WDR44: variants seen among roughly 807,000 people sequenced by gnomAD.
WDR44 encodes WD repeat domain 44.
A neutral mutation model predicts 65.7 loss-of-function variants in WDR44; 9 were observed. The observed-to-expected ratio is 0.14, with a 90% CI of 0.08 to 0.24. The LOEUF (loss-of-function observed/expected upper bound fraction) is 0.24. Ranked by LOEUF, WDR44 falls within the 10% of genes least tolerant of loss-of-function variation. WDR44 has a pLI of 1.00. For synonymous variants in WDR44, 220 were observed against 235.2 expected (o/e 0.94, Z 0.59); for missense variants, 425 against 670.9 (o/e 0.63, Z 4.05).
intron 12 of WDR44, among the ~76,000 whole-genome samples, chrX:118,412,429 T>A (rs2057019924): frequency 9.0e-6 from 1 of 111,610 alleles, no homozygotes; most frequent in African/African-American, 3.3e-5. Context: ...TCTGGTAGTA[T>A]TGTGAAGGAT....
At chrX:118,362,627 A>T (rs916256226) in intron 1 of WDR44, among the ~76,000 whole-genome samples, 1 of 110,914 alleles carries the variant, frequency 9.0e-6, no homozygotes, top group African/African-American at 3.3e-5. Context: ...CTGACTAAAT[A>T]GACACGTGCA....
At chrX:118,407,275 C>T (rs1256361451) in intron 10 of WDR44, among the ~76,000 whole-genome samples, 2 of 111,364 alleles carry the variant, frequency 1.8e-5, no homozygotes, top group African/African-American at 6.5e-5. Flanking sequence ...CCAAGACAGG[C>T]GGATCACTTG....
At chrX:118,351,786 C>A (rs897938648) in intron 1 of WDR44, among the ~76,000 whole-genome samples, 2 of 110,075 alleles carry the variant, frequency 1.8e-5, no homozygotes, top group African/African-American at 6.6e-5. Flanking sequence ...CCCATCTCTA[C>A]TAAAAATACA....
At chrX:118,383,347 C>G (rs1352069089) in intron 2 of WDR44, among the ~76,000 whole-genome samples, 2 of 111,507 alleles carry the variant, frequency 1.8e-5, no homozygotes, top group African/African-American at 3.3e-5. Context: ...AGTGCAGTGA[C>G]TCACGCCTGT....
At chrX:118,438,515 C>T (rs766172055) in intron 14 of WDR44, among the ~76,000 whole-genome samples, 1 of 111,227 alleles carries the variant, frequency 9.0e-6, no homozygotes, top group Non-Finnish European at 1.9e-5. Flanking sequence ...TTACTGCAGC[C>T]TCAACTTCCC....
At chrX:118,370,639 A>G (rs9988333) in intron 1 of WDR44, among the ~76,000 whole-genome samples, 28,131 of 108,073 alleles carry the variant, frequency 0.26, 3,008 homozygotes, top group African/African-American at 0.37. Context: ...GCTGGAGTGC[A>G]GTGGCGCAAT....
intron 12 of WDR44, among the ~76,000 whole-genome samples, chrX:118,429,394 G>C (rs2057187247): frequency 9.2e-6 from 1 of 109,157 alleles, no homozygotes; most frequent in African/African-American, 3.3e-5. Context: ...TTCGAGACCA[G>C]CCTGGCCAAC....
chrX:118,389,844 G>A (rs891544833), intron 3 of WDR44, among the ~76,000 whole-genome samples: 1 of 109,477 alleles, frequency 9.1e-6, no homozygotes, highest in Non-Finnish European at 1.9e-5. Context: ...AGTTAGGGCT[G>A]GATTATAGGA....
intron 12 of WDR44, among the ~76,000 whole-genome samples, chrX:118,423,840 G>A (rs1030963777): frequency 4.5e-5 from 5 of 111,789 alleles, no homozygotes; most frequent in African/African-American, 1.6e-4. Flanking sequence ...CATATAAGTG[G>A]CATTATGTAG....
intron 2 of WDR44, 47 bp from the exon 3 acceptor site, chrX:118,387,293 G>A: frequency 1.1e-6 from 1 of 912,471 alleles, no homozygotes; most frequent in Non-Finnish European, 1.5e-6. Flanking sequence ...TATTTTTAAA[G>A]AAAAGATGTC....
intron 1 of WDR44, among the ~76,000 whole-genome samples, chrX:118,376,985 G>A (rs891163822): frequency 3.7e-5 from 4 of 107,103 alleles, no homozygotes; most frequent in East Asian, 6.0e-4. Flanking sequence ...CCTGAGTAAC[G>A]GAGTGAGACC....
intron 3 of WDR44, among the ~76,000 whole-genome samples, chrX:118,389,840 G>A (rs1490271979): frequency 9.1e-6 from 1 of 109,579 alleles, no homozygotes; most frequent in Middle Eastern, 4.2e-3. Context: ...GCAAAGTTAG[G>A]GCTGGATTAT....
chrX:118,384,591 A>T (rs887204304), intron 2 of WDR44, among the ~76,000 whole-genome samples: 1 of 111,912 alleles, frequency 8.9e-6, no homozygotes, highest in African/African-American at 3.2e-5. Flanking sequence ...ACTGTAGCAT[A>T]GTTTGAAGTC....
At chrX:118,368,483 T>TATATATATATATATATATATATC (rs1569359132) in intron 1 of WDR44, among the ~76,000 whole-genome samples, 20 of 87,650 alleles carry the variant, frequency 2.3e-4, no homozygotes, top group South Asian at 5.5e-4. Context: ...ATATATATAC[T>TATATATATATATATATATATATC]TCTTGAGGAC....
At chrX:118,356,142 A>G (rs753595423) in intron 1 of WDR44, among the ~76,000 whole-genome samples, 1 of 112,437 alleles carries the variant, frequency 8.9e-6, no homozygotes, top group East Asian at 2.8e-4. Flanking sequence ...GTTCTTTTAA[A>G]AAGTTACTGT....
chrX:118,390,853 A>T lies in WDR44; in HGVS notation c.187-1779A>T, dbSNP rs1203653661. ...ATTTAGTATTCTTGTTTTCTGTCCA[A>T]AGTAGTGTGGTATAATACAAAGATC... On this transcript the variant is annotated intron_variant, in intron 3 of 19. Coordinates refer to ENST00000254029, the MANE Select transcript of WDR44 (RefSeq NM_019045.5). Among the ~76,000 whole-genome samples the T allele has an allele frequency of 4.5e-5, 5 of 111,896 alleles. No individual in the cohort carries two copies. In the Admixed American group the frequency reaches 4.8e-4, roughly 11 times the overall value.
intron 1 of WDR44, among the ~76,000 whole-genome samples, chrX:118,350,517 AGT>A (rs1260189733): frequency 8.9e-6 from 1 of 111,981 alleles, no homozygotes; most frequent in Non-Finnish European, 1.9e-5. Flanking sequence ...GAGGTTTAAT[AGT>A]GTGCTTGTAT....
chrX:118,396,903 G>C (rs1031551336), intron 6 of WDR44, 67 bp from the exon 7 acceptor site: 46 of 1,085,421 alleles, frequency 4.2e-5, no homozygotes, highest in Non-Finnish European at 5.5e-5. Flanking sequence ...AGGGGATTTT[G>C]TAGACTCAAA....
chrX:118,402,961 A>G (rs1309445166), intron 8 of WDR44, among the ~76,000 whole-genome samples: 2 of 111,785 alleles, frequency 1.8e-5, no homozygotes, highest in African/African-American at 6.5e-5. Context: ...CCCAGTGGAT[A>G]CCTGAAATCA....
Sources: allele counts gnomAD v4.1 joint callset (sites outside exome capture counted in the v4.1 genomes callset), GRCh38; gene constraint gnomAD v4.1.1; transcripts MANE v1.5; gene names NCBI Gene and HGNC (gene_info 2026-07-23, HGNC 2026-07-21).